The following DAB1 variants were observed in gnomAD, a reference collection of about 807,000 sequenced individuals.
The protein encoded by DAB1 is DAB adaptor protein 1, also known as disabled homolog 1.
Under a neutral mutation model 64.6 loss-of-function variants are expected in DAB1, and 15 were observed. That is an observed-to-expected ratio of 0.23 (90% confidence interval 0.16 to 0.36). The LOEUF is 0.36. DAB1 is among the 10% of genes least tolerant of loss of function. The pLI, the probability that DAB1 is intolerant of heterozygous loss-of-function variation, is 1.00. For synonymous variants in DAB1, 235 were observed against 251.9 expected (o/e 0.93, Z 0.64); for missense variants, 596 against 706.7 (o/e 0.84, Z 1.78).
At chr1:58,051,006 A>G (rs1308791829) in intron 5 of DAB1, among the ~76,000 whole-genome samples, 1 of 152,186 alleles carries the variant, frequency 6.6e-6, no homozygotes, top group Admixed American at 6.5e-5. Flanking sequence ...TTGTATTGCT[A>G]TAAAGGACGA....
chr1:57,306,024 A>G lies in DAB1; in HGVS notation c.-136-14858T>C, dbSNP rs137994114. Among the ~76,000 whole-genome samples, 531 of 152,110 alleles carry G rather than the reference A, an allele frequency of 3.5e-3. 2 individuals carry two copies. The highest frequency in any genetic ancestry group is 0.012 in the African/African-American group (508 of 41,478). ...AAAACAATGACTTTCATGAGAACCTACTAGGCTTCACGTTCTGTGCTAAGC... is the reference window on the plus strand; with the variant it reads ...AAAACAATGACTTTCATGAGAACCTGCTAGGCTTCACGTTCTGTGCTAAGC... On this transcript the variant is annotated intron_variant, in intron 1 of 14. Transcript: ENST00000371236.
In DAB1 at chr1:57,010,667, G is replaced by A. The variant is rs1646235968; in HGVS notation, c.*15+13C>T. 1 of 1,429,066 alleles carries A rather than the reference G, an allele frequency of 7.0e-7. No homozygotes were observed. 88.5% of individuals were successfully genotyped at this position (1,429,066 alleles called of 1,614,324 possible). A position where few individuals can be genotyped will look rare whatever the true frequency, so the allele number is the denominator to read the frequency against. On this transcript the variant is annotated intron_variant, in intron 14 of 14. Coordinates refer to ENST00000371236, the MANE Select transcript of DAB1 (RefSeq NM_001365792.1). ...GCTTAAGGGTAAAGGAGATAAAAAG[G>A]ACAGATACCTACCCAGACCTGCGCT...
At chr1:57,513,861 C>T (rs1644433296) in intron 7 of DAB1, among the ~76,000 whole-genome samples, 1 of 152,170 alleles carries the variant, frequency 6.6e-6, no homozygotes, top group South Asian at 2.1e-4. Context: ...AGCCCCTGTC[C>T]TGCAACCCCT....
At chr1:57,189,902 G>A (rs1484295091) in intron 2 of DAB1, among the ~76,000 whole-genome samples, 1 of 151,760 alleles carries the variant, frequency 6.6e-6, no homozygotes, top group African/African-American at 2.4e-5. Context: ...TGGCCCAAGA[G>A]CTCCTGCAGA....
intron 4 of DAB1, among the ~76,000 whole-genome samples, chr1:58,297,750 A>C (rs1358439937): frequency 6.6e-6 from 1 of 152,254 alleles, no homozygotes; most frequent in Non-Finnish European, 1.5e-5. Context: ...CTGAAAAAGT[A>C]AGATCTGAAC....
intron 1 of DAB1, among the ~76,000 whole-genome samples, chr1:57,364,979 T>C (rs954507232): frequency 6.7e-6 from 1 of 148,922 alleles, no homozygotes; most frequent in African/African-American, 2.4e-5. Context: ...TTCTAGAGTC[T>C]CATGACATTC....
In DAB1 at chr1:58,496,915, C is replaced by T. The variant is rs528274134; in HGVS notation, n.257+9145G>A. ...GCAGGGTGGTGCTAAATTATCACCC[C>T]ACAATCACTTGCTGGCCACAAGGAA... is the stretch of plus-strand genomic sequence containing the variant. On this transcript the variant is annotated intron_variant and non_coding_transcript_variant, in intron 3 of 20. Transcript: ENST00000485760. Among the ~76,000 whole-genome samples the T allele has an allele frequency of 5.3e-5, 8 of 152,258 alleles. No homozygotes were observed. In the South Asian group the frequency reaches 1.7e-3, roughly 32 times the overall value.
intron 5 of DAB1, among the ~76,000 whole-genome samples, chr1:57,938,741 G>T (rs1172350045): frequency 1.3e-5 from 2 of 151,846 alleles, no homozygotes; most frequent in Non-Finnish European, 2.9e-5. Context: ...TTATCCTGTT[G>T]GTCAATACCC....
At chr1:57,159,186 T>C (rs1483311478) in intron 2 of DAB1, among the ~76,000 whole-genome samples, 1 of 152,186 alleles carries the variant, frequency 6.6e-6, no homozygotes, top group African/African-American at 2.4e-5. Context: ...TTTTTTTTCT[T>C]CCTCTGGGTC....
At chr1:57,033,102 T>C (rs1170299517) in intron 9 of DAB1, among the ~76,000 whole-genome samples, 5 of 152,082 alleles carry the variant, frequency 3.3e-5, no homozygotes, top group Non-Finnish European at 7.4e-5. Flanking sequence ...TGGGACATGT[T>C]AGAGGTTTGA....
intron 1 of DAB1, among the ~76,000 whole-genome samples, chr1:58,543,004 T>G (rs928839705): frequency 1.3e-5 from 2 of 148,698 alleles, no homozygotes; most frequent in Non-Finnish European, 3.0e-5. Flanking sequence ...AAAAAAAAAG[T>G]GGATCCACAG....
rs371717500 is a variant in DAB1, at chr1:57,451,662, G to A, written n.626-160496C>T. On this transcript the variant is annotated intron_variant and non_coding_transcript_variant, in intron 7 of 20. Transcript: ENST00000485760. ...CACATTTGAGGGAGAAGCGAAGGAC[G>A]CAGAGAGTTCAGTCTTAATTCAAAG... is the stretch of plus-strand genomic sequence containing the variant. 1.6e-4 allele frequency among the ~76,000 whole-genome samples: 25 copies of A among 152,270 alleles called. No individual in the cohort carries two copies. In the South Asian group the frequency reaches 4.6e-3, roughly 28 times the overall value.
intron 1 of DAB1, among the ~76,000 whole-genome samples, chr1:57,835,194 G>C (rs1652757556): frequency 6.6e-6 from 1 of 152,100 alleles, no homozygotes; most frequent in African/African-American, 2.4e-5. Flanking sequence ...AAGAACAGTG[G>C]CTTTATGATT....
At chr1:57,931,486 C>T (rs967422587) in intron 5 of DAB1, among the ~76,000 whole-genome samples, 3 of 152,164 alleles carry the variant, frequency 2.0e-5, no homozygotes, top group Admixed American at 1.3e-4. Flanking sequence ...TAGGCCTGGT[C>T]CCTTCTGTTT....
chr1:57,709,458 A>G (rs1647002359), intron 6 of DAB1, among the ~76,000 whole-genome samples: 3 of 151,994 alleles, frequency 2.0e-5, no homozygotes, highest in Admixed American at 2.0e-4. Context: ...CTCTATATAT[A>G]TATGTTCAAC....
chr1:58,492,441 C>T (rs547366291), intron 3 of DAB1, among the ~76,000 whole-genome samples: 46 of 152,124 alleles, frequency 3.0e-4, no homozygotes, highest in African/African-American at 1.0e-3. Flanking sequence ...GAAATAGAGA[C>T]ACAAAAAACC....
At chr1:57,216,284 T>C (rs898172702) in intron 2 of DAB1, among the ~76,000 whole-genome samples, 4 of 152,132 alleles carry the variant, frequency 2.6e-5, no homozygotes, top group African/African-American at 9.7e-5. Context: ...CTGGAATTGC[T>C]ATAAGGGTAA....
chr1:57,726,838 T>C (rs896723924), intron 6 of DAB1, among the ~76,000 whole-genome samples: 2 of 152,182 alleles, frequency 1.3e-5, no homozygotes, highest in Non-Finnish European at 2.9e-5. Context: ...GTCACTACTG[T>C]AAACTACCTC....
At chr1:57,536,677 G>T (rs912349534) in intron 7 of DAB1, among the ~76,000 whole-genome samples, 17 of 149,684 alleles carry the variant, frequency 1.1e-4, no homozygotes, top group African/African-American at 4.2e-4. Context: ...GGTGGTAACC[G>T]GTCCATGAGA....
Sources: allele counts gnomAD v4.1 joint callset (sites outside exome capture counted in the v4.1 genomes callset), GRCh38; gene constraint gnomAD v4.1.1; transcripts MANE v1.5; gene names NCBI Gene and HGNC (gene_info 2026-07-23, HGNC 2026-07-21).